Variants in MYLK observed in about 807,000 individuals in gnomAD.
MYLK encodes the protein myosin light chain kinase.
MYLK carries 106 observed loss-of-function variants against 203.4 expected under a neutral mutation model. The ratio of observed to expected loss-of-function variants is 0.52; its 90% CI spans 0.45 to 0.61. The LOEUF (loss-of-function observed/expected upper bound fraction) is 0.61. MYLK is among the 20% of genes least tolerant of loss of function. MYLK has a pLI of 0.00. For missense variants in MYLK, 2,072 were observed against 2,442.3 expected (o/e 0.85, Z 3.20); for synonymous variants, 867 against 959.5 (o/e 0.90, Z 1.78).
At chr3:123,854,724 C>T (rs1200342361) in intron 2 of MYLK, among the ~76,000 whole-genome samples, 1 of 152,114 alleles carries the variant, frequency 6.6e-6, no homozygotes, top group Non-Finnish European at 1.5e-5. Context: ...TTGTAATTTG[C>T]ACGTGTACCC....
rs533737524 is a variant in MYLK, at chr3:123,613,800, C to T, written c.*305G>A. 1 of 382,212 alleles carries T rather than the reference C, an allele frequency of 2.6e-6. No individual in the cohort carries two copies. The highest frequency in any genetic ancestry group is 4.9e-6 in the Non-Finnish European group (1 of 204,388). The allele number at this position is 382,212 out of a possible 1,614,324, so 23.7% of individuals were successfully genotyped here. A position where few individuals can be genotyped will look rare whatever the true frequency, so the allele number is the denominator to read the frequency against. The stretch of plus-strand genomic sequence containing the variant: ...TCAAGTGGAGAATTTATGACTTTGC[C>T]CAGATAAATATTTGGTTTGGTTACT... On this transcript the variant is annotated 3_prime_UTR_variant, in exon 34 of 34. Transcript: ENST00000360304.
In MYLK at chr3:123,676,908, C is replaced by T. The variant is rs4297993; in HGVS notation, c.3652+5316G>A. Among the ~76,000 whole-genome samples, 5,054 of 152,290 alleles carry T rather than the reference C, an allele frequency of 0.033. 395 individuals are homozygous for T. The East Asian group carries it at 0.34, about 10-fold the overall frequency. Reference sequence around the variant, plus strand: ...AGCTTATATAGACTGCTAGGAGGAACTCCCAGAGTCTGGTATCAAACTGGC... The same window carrying T: ...AGCTTATATAGACTGCTAGGAGGAATTCCCAGAGTCTGGTATCAAACTGGC... On this transcript the variant is annotated intron_variant, in intron 20 of 33. Transcript: ENST00000360304.
chr3:123,787,565 G>A (rs1283360250), intron 4 of MYLK, among the ~76,000 whole-genome samples: 2 of 152,144 alleles, frequency 1.3e-5, no homozygotes, highest in East Asian at 1.9e-4. Context: ...AACGGTCATC[G>A]CGTTCAAGGA....
chr3:123,631,919 G>A (rs1234382458), intron 29 of MYLK, among the ~76,000 whole-genome samples: 1 of 151,292 alleles, frequency 6.6e-6, no homozygotes, highest in Non-Finnish European at 1.5e-5. Flanking sequence ...GCCCAGGCTG[G>A]AGTGCAGTGG....
At chr3:123,871,858 T>A (rs575234461) in intron 2 of MYLK, among the ~76,000 whole-genome samples, 1 of 52,898 alleles carries the variant, frequency 1.9e-5, no homozygotes, top group South Asian at 4.4e-4. Context: ...CGGATCAATA[T>A]CCTTCATGAA....
intron 32 of MYLK, among the ~76,000 whole-genome samples, 159 bp downstream of exon 32, chr3:123,620,048 T>C (rs565391299): frequency 1.3e-5 from 2 of 152,070 alleles, no homozygotes; most frequent in Admixed American, 1.3e-4. Flanking sequence ...TTATTAGACT[T>C]AGTAATTGTC....
At chr3:123,762,492 A>T (rs975860218) in intron 4 of MYLK, among the ~76,000 whole-genome samples, 1 of 151,984 alleles carries the variant, frequency 6.6e-6, no homozygotes, top group African/African-American at 2.4e-5. Flanking sequence ...TGACCTCCCA[A>T]AGTTGCTGGG....
At chr3:123,650,918 T>C (rs572340644) in intron 24 of MYLK, among the ~76,000 whole-genome samples, 18 of 152,332 alleles carry the variant, frequency 1.2e-4, no homozygotes, top group African/African-American at 4.1e-4. Flanking sequence ...AATCTACTGC[T>C]TGGGCTGTCA....
Position 123,768,934 on chromosome 3 carries a change from C to T in MYLK, c.166-16396G>A, listed in dbSNP as rs111540070. Among the ~76,000 whole-genome samples, 741 of 152,326 alleles carry T rather than the reference C, an allele frequency of 4.9e-3. 9 individuals carry two copies. Among genetic ancestry groups the T allele is most frequent in the African/African-American group, 0.017 (709 of 41,586 alleles). On this transcript the variant is annotated intron_variant, in intron 4 of 33. Coordinates refer to ENST00000360304, the MANE Select transcript of MYLK (RefSeq NM_053025.4). ...GCCTGCTTCTCCAGGACCACTTGCT[C>T]TGCCTCTAGAGAGCCTCCCGTTACT...
At chr3:123,868,736 C>T (rs188953378) in intron 2 of MYLK, among the ~76,000 whole-genome samples, 15 of 152,108 alleles carry the variant, frequency 9.9e-5, no homozygotes, top group Middle Eastern at 3.4e-3. Context: ...ATAAGATTGA[C>T]AAAGATTAAA....
chr3:123,767,328 TG>T (rs2063737998), intron 4 of MYLK, among the ~76,000 whole-genome samples: 1 of 152,216 alleles, frequency 6.6e-6, no homozygotes, highest in Non-Finnish European at 1.5e-5. Context: ...TGCATGAGGC[TG>T]GGTGTGGTGG....
chr3:123,859,581 A>C (rs2148684814), intron 2 of MYLK, among the ~76,000 whole-genome samples: 1 of 152,374 alleles, frequency 6.6e-6, no homozygotes, highest in East Asian at 1.9e-4. Flanking sequence ...ATTTATGTTC[A>C]AAAGATGAAG....
Position 123,767,264 on chromosome 3 carries a change from A to G in MYLK, c.166-14726T>C, listed in dbSNP as rs573721172. On this transcript the variant is annotated intron_variant, in intron 4 of 33. Coordinates refer to ENST00000360304, the MANE Select transcript of MYLK (RefSeq NM_053025.4). Reference sequence around the variant, plus strand: ...GTACAGACAACTGCTCAGACCACCCAGCTCAGAGAATTTCAGGCGCAGCGC... The same window carrying G: ...GTACAGACAACTGCTCAGACCACCCGGCTCAGAGAATTTCAGGCGCAGCGC... 2.4e-4 allele frequency among the ~76,000 whole-genome samples: 37 copies of G among 152,328 alleles called. 2 individuals are homozygous for G. In the South Asian group the frequency reaches 7.5e-3, roughly 31 times the overall value.
intron 2 of MYLK, among the ~76,000 whole-genome samples, chr3:123,868,059 T>C (rs901295178): frequency 6.6e-6 from 1 of 152,242 alleles, no homozygotes; most frequent in South Asian, 2.1e-4. Flanking sequence ...GTCTAGGATC[T>C]GTTGGTCTTT....
intron 2 of MYLK, among the ~76,000 whole-genome samples, chr3:123,856,102 T>C (rs1289671894): frequency 6.6e-6 from 1 of 152,216 alleles, no homozygotes; most frequent in Non-Finnish European, 1.5e-5. Flanking sequence ...CCCCAGTGTT[T>C]GTGATGTTAT....
intron 2 of MYLK, among the ~76,000 whole-genome samples, chr3:123,847,232 C>A (rs1020023913): frequency 6.6e-6 from 1 of 151,974 alleles, no homozygotes; most frequent in African/African-American, 2.4e-5. Flanking sequence ...AATACTATAC[C>A]ATTTTATATA....
intron 2 of MYLK, among the ~76,000 whole-genome samples, chr3:123,869,723 T>C (rs1490596737): frequency 6.6e-6 from 1 of 152,180 alleles, no homozygotes; most frequent in Non-Finnish European, 1.5e-5. Context: ...ACAACAATTC[T>C]GGGAAGTTGT....
intron 23 of MYLK, among the ~76,000 whole-genome samples, chr3:123,662,246 A>G (rs2059587515): frequency 6.6e-6 from 1 of 152,164 alleles, no homozygotes; most frequent in Non-Finnish European, 1.5e-5. Flanking sequence ...ACTGGAGGAC[A>G]AGTGTTTGAA....
chr3:123,626,726 G>A, intron 31 of MYLK, 92 bp downstream of exon 31: 2 of 1,577,808 alleles, frequency 1.3e-6, no homozygotes, highest in Non-Finnish European at 1.7e-6. Flanking sequence ...AAACTTTCTT[G>A]GTGTGAGGCC....
Sources: gnomAD v4.1 joint callset for allele counts (sites outside exome capture counted in the v4.1 genomes callset) on GRCh38, gnomAD v4.1.1 for gene constraint, MANE v1.5 for transcripts, NCBI Gene and HGNC (gene_info 2026-07-23, HGNC 2026-07-21) for gene names.